Variants in PPP6R3 observed in about 807,000 individuals in gnomAD.
PPP6R3 encodes the protein serine/threonine-protein phosphatase 6 regulatory subunit 3.
Under a neutral mutation model 110.7 loss-of-function variants are expected in PPP6R3, and 38 were observed. That is an observed-to-expected ratio of 0.34 (90% CI 0.26 to 0.45). The LOEUF is 0.45. Ranked by LOEUF, PPP6R3 falls within the 20% of genes least tolerant of loss-of-function variation. The probability of loss-of-function intolerance (pLI) is 1.00; values close to 1 mark genes in which losing one functional copy is unlikely to be tolerated. For missense variants in PPP6R3, 870 were observed against 1,062.4 expected (o/e 0.82, Z 2.52); for synonymous variants, 369 against 373.5 (o/e 0.99, Z 0.14).
rs531701572 is a variant in PPP6R3, at chr11:68,578,575, A to G, written c.1545+2532A>G. On this transcript the variant is annotated intron_variant, in intron 14 of 23. Coordinates refer to ENST00000393800, the MANE Select transcript of PPP6R3 (RefSeq NM_001164161.2). ...CAGCACCACGTGCTTAAGTTAGTGC[A>G]TTGTTAACCTGACATGTTATTTTTC... Among the ~76,000 whole-genome samples the G allele has an allele frequency of 2.0e-5, 3 of 152,306 alleles. No individual in the cohort carries two copies. In the East Asian group the frequency reaches 5.8e-4, roughly 29 times the overall value.
At chr11:68,557,001 G>A (rs989972440) in intron 7 of PPP6R3, among the ~76,000 whole-genome samples, 11 of 152,258 alleles carry the variant, frequency 7.2e-5, no homozygotes, top group African/African-American at 2.2e-4. Flanking sequence ...CTGTATTGAC[G>A]AAAGTGACAG....
chr11:68,575,803 C>T (rs1400848448), intron 13 of PPP6R3, among the ~76,000 whole-genome samples, 155 bp from the exon 14 acceptor site: 2 of 152,222 alleles, frequency 1.3e-5, no homozygotes, highest in Admixed American at 1.3e-4. Flanking sequence ...TCTAAGAGCA[C>T]TGGGCTGGCT....
At chr11:68,586,209 C>G (rs558178888) in intron 15 of PPP6R3, 1 of 152,186 alleles carries the variant, frequency 6.6e-6, no homozygotes, top group Non-Finnish European at 1.5e-5. Context: ...GAGCGTGGTT[C>G]ATGCTGCTTA....
chr11:68,599,192 A>G (rs2099623004), intron 19 of PPP6R3, among the ~76,000 whole-genome samples: 1 of 152,192 alleles, frequency 6.6e-6, no homozygotes, highest in South Asian at 2.1e-4. Flanking sequence ...GAGATTCCTA[A>G]TTATGATAAT....
At chr11:68,609,648 A>G (rs1594143336) in intron 22 of PPP6R3, 2 of 1,554,058 alleles carry the variant, frequency 1.3e-6, no homozygotes, top group East Asian at 2.4e-5. Flanking sequence ...GTGTTATGGG[A>G]CCGTTCTTTA....
intron 17 of PPP6R3, 65 bp downstream of exon 17, chr11:68,590,779 T>C (rs897248299): frequency 5.5e-6 from 8 of 1,453,158 alleles, no homozygotes; most frequent in Non-Finnish European, 7.4e-6. Flanking sequence ...TGAGTCCCTG[T>C]GTGGATGCCA....
At chr11:68,535,201 G>T (rs142736605) in intron 2 of PPP6R3, among the ~76,000 whole-genome samples, 125 of 152,264 alleles carry the variant, frequency 8.2e-4, no homozygotes, top group African/African-American at 2.7e-3. Flanking sequence ...ATTGCCCACT[G>T]GGTGGCTTCT....
chr11:68,526,578 A>G (rs1286311133), intron 2 of PPP6R3, among the ~76,000 whole-genome samples: 2 of 152,078 alleles, frequency 1.3e-5, no homozygotes, highest in African/African-American at 2.4e-5. Context: ...TCTTACCTCT[A>G]TTCACACACC....
chr11:68,477,370 C>A (rs1256264129), intron 1 of PPP6R3, among the ~76,000 whole-genome samples: 1 of 152,062 alleles, frequency 6.6e-6, no homozygotes, highest in Non-Finnish European at 1.5e-5. Context: ...AGCATCTGGA[C>A]TTCATGATGG....
intron 1 of PPP6R3, among the ~76,000 whole-genome samples, chr11:68,514,607 C>T (rs879518913): frequency 2.6e-5 from 4 of 151,910 alleles, no homozygotes; most frequent in African/African-American, 7.3e-5. Flanking sequence ...TTTTTTGAGA[C>T]GGAGTCTTGC....
intron 5 of PPP6R3, among the ~76,000 whole-genome samples, chr11:68,549,597 C>T (rs1274135853): frequency 6.6e-6 from 1 of 152,050 alleles, no homozygotes; most frequent in Admixed American, 6.5e-5. Flanking sequence ...TGTATCTTTT[C>T]CCAAAAGAGG....
intron 2 of PPP6R3, among the ~76,000 whole-genome samples, chr11:68,526,621 C>A (rs919334270): frequency 6.6e-6 from 1 of 152,208 alleles, no homozygotes; most frequent in East Asian, 1.9e-4. Flanking sequence ...GCATCTGGAA[C>A]CAGCTGGGTG....
chr11:68,551,264 A>G, intron 6 of PPP6R3, 78 bp downstream of exon 6: 1 of 1,069,122 alleles, frequency 9.4e-7, no homozygotes, highest in Admixed American at 2.0e-5. Context: ...GAGCATACTT[A>G]TATTAAATGT....
At chr11:68,606,849 A>C (rs146907527) in intron 22 of PPP6R3, among the ~76,000 whole-genome samples, 17 of 152,360 alleles carry the variant, frequency 1.1e-4, no homozygotes, top group Admixed American at 2.6e-4. Context: ...GATTACCTAC[A>C]ACCAAGTCAG....
intron 1 of PPP6R3, among the ~76,000 whole-genome samples, chr11:68,468,270 T>C (rs965323411): frequency 1.3e-5 from 2 of 152,208 alleles, no homozygotes; most frequent in African/African-American, 4.8e-5. Context: ...AATTTTATTT[T>C]TGGTAGTAGT....
At chr11:68,561,673 A>G (rs993565556) in intron 8 of PPP6R3, among the ~76,000 whole-genome samples, 7 of 152,196 alleles carry the variant, frequency 4.6e-5, no homozygotes, top group Non-Finnish European at 1.0e-4. Flanking sequence ...GAAAAAACAT[A>G]TCATCATTTT....
chr11:68,568,149 A>G (rs1036419155), intron 10 of PPP6R3, among the ~76,000 whole-genome samples: 4 of 152,140 alleles, frequency 2.6e-5, no homozygotes, highest in East Asian at 3.9e-4. Context: ...CACAGAAAAC[A>G]GGAGCAATTT....
At chr11:68,543,256 G>A (rs1426994099) in intron 3 of PPP6R3, among the ~76,000 whole-genome samples, 1 of 152,128 alleles carries the variant, frequency 6.6e-6, no homozygotes, top group Non-Finnish European at 1.5e-5. Context: ...TGTGACTCTA[G>A]TAGCTGCACC....
At chr11:68,489,277 C>T (rs914422404) in intron 1 of PPP6R3, among the ~76,000 whole-genome samples, 1 of 152,104 alleles carries the variant, frequency 6.6e-6, no homozygotes, top group African/African-American at 2.4e-5. Context: ...CCTCGGCCTC[C>T]CAAATATTTT....
Sources: gnomAD v4.1 joint callset for allele counts (sites outside exome capture counted in the v4.1 genomes callset) on GRCh38, gnomAD v4.1.1 for gene constraint, MANE v1.5 for transcripts, NCBI Gene and HGNC (gene_info 2026-07-23, HGNC 2026-07-21) for gene names.